Variants in PABIR3 observed in about 807,000 individuals in gnomAD.
The protein encoded by PABIR3 is PABIR family member 1.
In PABIR3, 20 loss-of-function variants were observed where a neutral mutation model predicts 23.1. The ratio of observed to expected loss-of-function variants is 0.86; its 90% confidence interval spans 0.61 to 1.26. The LOEUF (loss-of-function observed/expected upper bound fraction) is 1.26. Ranked by LOEUF, PABIR3 falls within the 50% of genes most tolerant of loss-of-function variation. The pLI, the probability that PABIR3 is intolerant of heterozygous loss-of-function variation, is 0.00. For missense variants in PABIR3, 189 were observed against 195.4 expected, an observed-to-expected ratio of 0.97 and a Z score of 0.20; for synonymous variants, 69 against 68.5, an observed-to-expected ratio of 1.01 and a Z score of -0.04.
In PABIR3 at chrX:134,854,780, C is replaced by T. The variant is rs2082737176; in HGVS notation, c.*563C>T. The stretch of plus-strand genomic sequence containing the variant: ...CTTAGATATTCAATTTGTTGGGAAG[C>T]AGTAGGTAGGAGAAGAGCAAGACAA... On this transcript the variant is annotated 3_prime_UTR_variant, in exon 11 of 11. Transcript: ENST00000645433. 8.9e-6 allele frequency: 1 copy of T among 111,804 alleles called. No homozygotes were observed. Among genetic ancestry groups the T allele is most frequent in the Admixed American group, 9.6e-5 (1 of 10,446 alleles). The allele number at this position is 111,804 out of a possible 1,213,427, so 9.2% of individuals were successfully genotyped here. A position where few individuals can be genotyped will look rare whatever the true frequency, so the allele number is the denominator to read the frequency against.
At chrX:134,856,455 G>C (rs1430969027), downstream of PABIR3, among the ~76,000 whole-genome samples, 3 of 110,176 alleles carry the variant, frequency 2.7e-5, no homozygotes, top group African/African-American at 9.9e-5. Context: ...CAAAGTGCTG[G>C]GATCACAGGC....
the PABIR3 span, among the ~76,000 whole-genome samples, chrX:134,864,114 G>T: frequency 2.7e-5 from 3 of 110,587 alleles, no homozygotes; most frequent in East Asian, 8.5e-4. Flanking sequence ...GCATTGTCAT[G>T]ATCTCGGCTC....
intron 1 of PABIR3, 50 bp from the exon 2 acceptor site, chrX:134,807,488 CTT>C: frequency 1.7e-6 from 2 of 1,153,817 alleles, no homozygotes; most frequent in Non-Finnish European, 1.2e-6. Flanking sequence ...TTTCTCCTCT[CTT>C]CTCTTTTTCC....
chrX:134,823,641 T>C (rs772632019), intron 3 of PABIR3, among the ~76,000 whole-genome samples: 1 of 111,628 alleles, frequency 9.0e-6, no homozygotes, highest in South Asian at 3.7e-4. Context: ...TATATATCCA[T>C]GTGTATATGA....
the PABIR3 span, among the ~76,000 whole-genome samples, chrX:134,861,673 CAAAAAA>C: frequency 3.2e-5 from 1 of 30,940 alleles, no homozygotes; most frequent in African/African-American, 1.2e-4. Flanking sequence ...GACTCCGCCT[CAAAAAA>C]AAAAAAAAAA....
chrX:134,840,441 C>T (rs988801379), intron 4 of PABIR3, among the ~76,000 whole-genome samples: 2 of 111,615 alleles, frequency 1.8e-5, no homozygotes, highest in Non-Finnish European at 3.8e-5. Flanking sequence ...CAATGGCTTC[C>T]CATTACCTAT....
chrX:134,860,324 A>G, the PABIR3 span, among the ~76,000 whole-genome samples: 2 of 111,978 alleles, frequency 1.8e-5, no homozygotes, highest in African/African-American at 6.5e-5. Context: ...CCTGGCCTCA[A>G]GTGATCTGCC....
At chrX:134,828,053 A>C (rs867962992) in intron 3 of PABIR3, among the ~76,000 whole-genome samples, 238 of 94,351 alleles carry the variant, frequency 2.5e-3, no homozygotes, top group African/African-American at 5.8e-3. Context: ...CTCTCTATAT[A>C]TATATATATA....
At chrX:134,821,286 T>A in intron 3 of PABIR3, 3 of 1,089,503 alleles carry the variant, frequency 2.8e-6, no homozygotes, top group Non-Finnish European at 3.6e-6. Flanking sequence ...TCACAATTAT[T>A]TTGTTTAATT....
At chrX:134,843,599 G>A (rs904151970) in intron 4 of PABIR3, among the ~76,000 whole-genome samples, 2 of 79,293 alleles carry the variant, frequency 2.5e-5, no homozygotes, top group African/African-American at 1.0e-4. Flanking sequence ...ACGGAGTCTC[G>A]CTCTGTCGCC....
intron 3 of PABIR3, among the ~76,000 whole-genome samples, chrX:134,828,586 T>C (rs1292924095): frequency 2.7e-5 from 3 of 111,728 alleles, no homozygotes; most frequent in Non-Finnish European, 5.6e-5. Flanking sequence ...ATTCCCCTCT[T>C]GTGTGGGTCC....
At chrX:134,842,753 C>T (rs1235108786) in intron 4 of PABIR3, among the ~76,000 whole-genome samples, 3 of 110,753 alleles carry the variant, frequency 2.7e-5, no homozygotes, top group African/African-American at 9.9e-5. Flanking sequence ...CAAAAATTAG[C>T]TGGGTGTGGT....
At position 134,807,876 on chromosome X, in the gene PABIR3, C is replaced by T. The variant is rs893700902; in HGVS notation, c.110+168C>T. On this transcript the variant is annotated intron_variant, in intron 2 of 10. Transcript: ENST00000645433. ...TCAACCTTGGGTGGGGGTAGTGGGA[C>T]GGGCTGACCTGAGGGGGAGCGCGCA... Among the ~76,000 whole-genome samples, 3 of 111,226 alleles carry T rather than the reference C, an allele frequency of 2.7e-5. No individual in the cohort carries two copies. The East Asian group carries it at 8.5e-4, about 31-fold the overall frequency.
Position 134,854,074 on chromosome X carries a change from G to A in PABIR3, c.687-17G>A, listed in dbSNP as rs746119921. On this transcript the variant is annotated splice_polypyrimidine_tract_variant and intron_variant, in intron 10 of 10. Transcript: ENST00000645433. ...TCTTGAGTTCTGCTATCAATGAGTG[G>A]CATTTTCTTCTTCTAGTCTACTTCC... is the stretch of plus-strand genomic sequence containing the variant. 41 of 1,207,019 alleles carry A rather than the reference G, an allele frequency of 3.4e-5. No individual in the cohort carries two copies. In the Middle Eastern group the frequency reaches 6.9e-4, roughly 20 times the overall value.
At chrX:134,851,431 G>A (rs1026902097) in intron 9 of PABIR3, among the ~76,000 whole-genome samples, 3 of 109,374 alleles carry the variant, frequency 2.7e-5, no homozygotes, top group African/African-American at 1.0e-4. Context: ...AGCTACTCAG[G>A]AGACTGAGGC....
intron 3 of PABIR3, chrX:134,821,244 TAAAAAAAAAAA>T: frequency 1.8e-6 from 1 of 570,955 alleles, no homozygotes; most frequent in Non-Finnish European, 2.4e-6. Context: ...CCAAGCATTG[TAAAAAAAAAAA>T]AAAAAAAAAA....
intron 4 of PABIR3, among the ~76,000 whole-genome samples, chrX:134,836,442 A>G (rs1453609907): frequency 8.9e-6 from 1 of 112,664 alleles, no homozygotes; most frequent in Non-Finnish European, 1.9e-5. Context: ...CAACAGAAAT[A>G]TATTGTTTCA....
intron 3 of PABIR3, among the ~76,000 whole-genome samples, chrX:134,827,631 A>G (rs969416600): frequency 2.7e-5 from 3 of 111,722 alleles, no homozygotes; most frequent in African/African-American, 9.8e-5. Flanking sequence ...CTCAAAGGCT[A>G]AAGTCCAAAA....
chrX:134,797,901 C>T (rs1391765774), intron 1 of PABIR3, among the ~76,000 whole-genome samples: 1 of 109,108 alleles, frequency 9.2e-6, no homozygotes, highest in African/African-American at 3.4e-5. Flanking sequence ...CAACCTCTGC[C>T]CCACCCCGCC....
Sources: allele counts gnomAD v4.1 joint callset (sites outside exome capture counted in the v4.1 genomes callset), GRCh38; gene constraint gnomAD v4.1.1; transcripts MANE v1.5; gene names NCBI Gene and HGNC (gene_info 2026-07-23, HGNC 2026-07-21).